ALDH18A1: variants seen among roughly 807,000 people sequenced by gnomAD.
The protein encoded by ALDH18A1 is delta-1-pyrroline-5-carboxylate synthase.
Under a neutral mutation model 88.8 loss-of-function variants are expected in ALDH18A1, and 44 were observed. The ratio of observed to expected loss-of-function variants is 0.50; its 90% confidence interval spans 0.39 to 0.64. The LOEUF is 0.64. ALDH18A1 is among the 30% of genes least tolerant of loss of function. The probability of loss-of-function intolerance (pLI) is 0.00; values close to 1 mark genes in which losing one functional copy is unlikely to be tolerated. For missense variants in ALDH18A1, 782 were observed against 1,009.5 expected, an observed-to-expected ratio of 0.77 and a Z score of 3.05; for synonymous variants, 331 against 372.1, an observed-to-expected ratio of 0.89 and a Z score of 1.27.
intron 11 of ALDH18A1, among the ~76,000 whole-genome samples, chr10:95,624,207 C>G (rs901362890): frequency 4.6e-5 from 7 of 152,242 alleles, no homozygotes; most frequent in African/African-American, 1.7e-4. Context: ...AAGCCACGCT[C>G]ATGTATACCC....
chr10:95,630,776 G>T (rs11188407), intron 7 of ALDH18A1, among the ~76,000 whole-genome samples: 42,003 of 151,938 alleles, frequency 0.28, 6,772 homozygotes, highest in Admixed American at 0.4. Flanking sequence ...TTTTCTCCAG[G>T]GTGGCTCACA....
At chr10:95,630,504 A>C (rs1269084489) in intron 7 of ALDH18A1, among the ~76,000 whole-genome samples, 1 of 152,198 alleles carries the variant, frequency 6.6e-6, no homozygotes, top group Non-Finnish European at 1.5e-5. Context: ...CGAGGTGAGG[A>C]GTTCAAGACC....
At chr10:95,620,691 C>T (rs78521359) in intron 12 of ALDH18A1, among the ~76,000 whole-genome samples, 1 of 149,412 alleles carries the variant, frequency 6.7e-6, no homozygotes, top group Non-Finnish European at 1.5e-5. Flanking sequence ...CTCACAAGCA[C>T]AGAAAACCAA....
At chr10:95,620,901 G>C (rs2097851167) in intron 12 of ALDH18A1, 130 bp downstream of exon 12, 1 of 894,948 alleles carries the variant, frequency 1.1e-6, no homozygotes. Flanking sequence ...TAACAAACCT[G>C]CACGTTGTGC....
At chr10:95,607,374 A>C (rs906727959) in intron 17 of ALDH18A1, among the ~76,000 whole-genome samples, 1 of 152,144 alleles carries the variant, frequency 6.6e-6, no homozygotes, top group Admixed American at 6.5e-5. Context: ...TATCCCCTAG[A>C]AGTCTTAGCA....
intron 3 of ALDH18A1, among the ~76,000 whole-genome samples, chr10:95,642,658 T>C (rs186393697): frequency 1.2e-3 from 181 of 151,444 alleles, no homozygotes; most frequent in Non-Finnish European, 2.1e-3. Flanking sequence ...ACTTCTTAAA[T>C]GGCTAGGTGT....
At position 95,606,264 on chromosome 10, in the gene ALDH18A1, G is replaced by A. The variant is rs1005263433; in HGVS notation, c.*498C>T. ...TCTTCCCAGTGGAAATGATTCCATC[G>A]ATTTTTGTGACTTTCTGATGAGAAT... On this transcript the variant is annotated 3_prime_UTR_variant, in exon 18 of 18. Transcript: ENST00000371224. 6 of 996,908 alleles carry A rather than the reference G, an allele frequency of 6.0e-6. No individual in the cohort carries two copies. The highest frequency in any genetic ancestry group is 7.2e-6 in the Non-Finnish European group (6 of 836,230). The allele number at this position is 996,908 out of a possible 1,614,324, so 61.8% of individuals were successfully genotyped here.
At chr10:95,615,477 G>A (rs1470728399) in intron 13 of ALDH18A1, among the ~76,000 whole-genome samples, 1 of 152,180 alleles carries the variant, frequency 6.6e-6, no homozygotes, top group African/African-American at 2.4e-5. Context: ...TCTTGATACG[G>A]CTGGTGGTTA....
chr10:95,636,479 A>C (rs1451489042), intron 5 of ALDH18A1, among the ~76,000 whole-genome samples: 1 of 152,234 alleles, frequency 6.6e-6, no homozygotes, highest in East Asian at 1.9e-4. Flanking sequence ...AGGTTCTAGA[A>C]CATTTAGGGG....
intron 3 of ALDH18A1, 93 bp downstream of exon 3, chr10:95,642,898 AT>A (rs1359207488): frequency 1.6e-5 from 21 of 1,293,288 alleles, no homozygotes; most frequent in Non-Finnish European, 2.3e-5. Flanking sequence ...AATCACAATT[AT>A]TTTTTTAAGT....
chr10:95,625,943 T>C (rs760797078), intron 10 of ALDH18A1, among the ~76,000 whole-genome samples: 7 of 152,110 alleles, frequency 4.6e-5, no homozygotes, highest in Non-Finnish European at 8.8e-5. Flanking sequence ...TCCTTGTAAA[T>C]TATTTATTTA....
intron 3 of ALDH18A1, among the ~76,000 whole-genome samples, chr10:95,638,317 C>CT (rs1390612077): frequency 1.3e-5 from 2 of 152,212 alleles, no homozygotes; most frequent in Non-Finnish European, 2.9e-5. Context: ...GCCACCATGC[C>CT]TGGCCTAAGT....
chr10:95,637,096 G>A lies in ALDH18A1; in HGVS notation c.555C>T (p.Ala185=), dbSNP rs1412779255. 1.2e-6 allele frequency: 2 copies of A among 1,613,810 alleles called. No homozygotes were observed. The highest frequency in any genetic ancestry group is 1.7e-6 in the Non-Finnish European group (2 of 1,179,900). The change falls in exon 5 of 18, where the codon GCC becomes GCT. Residue 185 remains alanine (A), a synonymous_variant. Transcript: ENST00000371224. ...AMFTQYSICA[A]QILVTNLDFH... Reference sequence around the variant, plus strand: ...ATTTCAAAGCCCAGCCTCTCACCTGGGCAGCACAGATGCTGTACTGGGTAA... The same window carrying A: ...ATTTCAAAGCCCAGCCTCTCACCTGAGCAGCACAGATGCTGTACTGGGTAA...
At position 95,621,184 on chromosome 10, in the gene ALDH18A1, G is replaced by T; in HGVS notation, c.1314C>A (p.Ile438=). The T allele has an allele frequency of 6.2e-7, 1 of 1,614,108 alleles. No individual in the cohort carries two copies. The highest frequency in any genetic ancestry group is 1.1e-5 in the South Asian group (1 of 91,068). The change falls in exon 12 of 18, where the codon ATC becomes ATA. Residue 438 remains isoleucine, a synonymous_variant. Coordinates refer to ENST00000371224, the MANE Select transcript of ALDH18A1 (RefSeq NM_002860.4). The stretch of plus-strand genomic sequence containing the variant: ...AGGAGGCTGCGATCTGTCGCAGACC[G>T]ATGGCCAGGCTGTTCAATTTGGATG... The part of the protein sequence containing the change: ...LSTSKLNSLA[I]GLRQIAASSQ...
chr10:95,614,176 A>G lies in ALDH18A1; in HGVS notation c.1606-15T>C, dbSNP rs2139542064. 6.2e-7 allele frequency: 1 copy of G among 1,613,350 alleles called. No individual in the cohort carries two copies. Among genetic ancestry groups the G allele is most frequent in the Non-Finnish European group, 8.5e-7 (1 of 1,179,670 alleles). On this transcript the variant is annotated splice_polypyrimidine_tract_variant and intron_variant, in intron 13 of 17. Transcript: ENST00000371224. ...CTGGTATTCACCTTTAGAAGGAAAGAAGAAAAAGATAAAGATGACATCTGA... is the reference window on the plus strand; with the variant it reads ...CTGGTATTCACCTTTAGAAGGAAAGGAGAAAAAGATAAAGATGACATCTGA...
intron 11 of ALDH18A1, 67 bp from the exon 12 acceptor site, chr10:95,621,318 G>GTC: frequency 5.0e-6 from 5 of 999,378 alleles, no homozygotes; most frequent in Non-Finnish European, 2.9e-6. Context: ...CAACCGATGT[G>GTC]TCTTTTTTTT....
intron 2 of ALDH18A1, among the ~76,000 whole-genome samples, chr10:95,652,573 T>C (rs141496254): frequency 0.016 from 2,402 of 151,398 alleles, 59 homozygotes; most frequent in African/African-American, 0.055. Context: ...CTATTTCTAC[T>C]AAAAATACAA....
intron 3 of ALDH18A1, among the ~76,000 whole-genome samples, chr10:95,642,126 T>C (rs2097892917): frequency 6.6e-6 from 1 of 152,240 alleles, no homozygotes; most frequent in South Asian, 2.1e-4. Context: ...TCAGCTGCCA[T>C]GGAATAGCTC....
chr10:95,621,482 G>C (rs1209078474), intron 11 of ALDH18A1, among the ~76,000 whole-genome samples: 4 of 151,944 alleles, frequency 2.6e-5, no homozygotes, highest in African/African-American at 4.8e-5. Context: ...ACCAGGCCTG[G>C]CTTATTTTTG....
Sources: allele counts gnomAD v4.1 joint callset (sites outside exome capture counted in the v4.1 genomes callset), GRCh38; gene constraint gnomAD v4.1.1; transcripts MANE v1.5; gene names NCBI Gene and HGNC (gene_info 2026-07-23, HGNC 2026-07-21).